SLCO5A1: variants seen among roughly 807,000 people sequenced by gnomAD.
The protein encoded by SLCO5A1 is solute carrier organic anion transporter family member 5A1, also known as organic anion transporter polypeptide-related protein 4.
Under a neutral mutation model 65.1 loss-of-function variants are expected in SLCO5A1, and 39 were observed. The observed-to-expected ratio is 0.60, with a 90% confidence interval of 0.46 to 0.78. The LOEUF (loss-of-function observed/expected upper bound fraction) is 0.78, where lower values mean the gene tolerates loss of function less well. SLCO5A1 is among the 30% of genes least tolerant of loss of function. The pLI is 0.00. For missense variants in SLCO5A1, 1,029 were observed against 1,069.4 expected (o/e 0.96, Z 0.53); for synonymous variants, 438 against 415.7 (o/e 1.05, Z -0.65).
chr8:69,765,816 T>C (rs1376362518), intron 2 of SLCO5A1, among the ~76,000 whole-genome samples: 1 of 152,106 alleles, frequency 6.6e-6, no homozygotes, highest in Non-Finnish European at 1.5e-5. Flanking sequence ...CACCATACTC[T>C]GCCTGGGCCT....
Position 69,728,985 on chromosome 8 carries a change from G to A in SLCO5A1, c.1423+9055C>T, listed in dbSNP as rs145571300. The stretch of plus-strand genomic sequence containing the variant: ...GTCAAAGAAACCAAGATTCCTTGCA[G>A]ATATACGACTGATCCGAGGTCCAGG... On this transcript the variant is annotated intron_variant, in intron 5 of 9. Transcript: ENST00000260126. Among the ~76,000 whole-genome samples, 5 of 152,240 alleles carry A rather than the reference G, an allele frequency of 3.3e-5. No individual in the cohort carries two copies. The East Asian group carries it at 9.7e-4, about 29-fold the overall frequency.
In SLCO5A1 at chr8:69,671,020, TGACA is replaced by T. The variant is rs1284289516; in HGVS notation, c.*1845_*1848del. 5.9e-5 allele frequency: 9 copies of T among 152,266 alleles called. No homozygotes were observed. Among genetic ancestry groups the T allele is most frequent in the Admixed American group, 3.9e-4 (6 of 15,286 alleles). The allele number at this position is 152,266 out of a possible 1,614,324, so 9.4% of individuals were successfully genotyped here. A position where few individuals can be genotyped will look rare whatever the true frequency, so the allele number is the denominator to read the frequency against. On this transcript the variant is annotated 3_prime_UTR_variant, in exon 10 of 10. Transcript: ENST00000260126. ...AATATATGCCACATTGGCCAGAGTC[TGACA>T]ATTACCAGTGCAATTACAGTCTTAA...
intron 9 of SLCO5A1, 86 bp downstream of exon 9, chr8:69,676,523 C>T: frequency 8.9e-7 from 1 of 1,125,858 alleles, no homozygotes; most frequent in Non-Finnish European, 1.3e-6. Context: ...TAATAAATGA[C>T]ATGACTTGCC....
intron 4 of SLCO5A1, among the ~76,000 whole-genome samples, chr8:69,750,371 T>C (rs1817239764): frequency 6.6e-6 from 1 of 151,974 alleles, no homozygotes; most frequent in African/African-American, 2.4e-5. Flanking sequence ...GACAATCTGC[T>C]CCTCCTCCTC....
Position 69,721,571 on chromosome 8 carries a change from C to T in SLCO5A1, c.1424-16342G>A, listed in dbSNP as rs149569126. Among the ~76,000 whole-genome samples, 180 of 152,294 alleles carry T rather than the reference C, an allele frequency of 1.2e-3. 1 individual carries two copies. The highest frequency in any genetic ancestry group is 4.1e-3 in the African/African-American group (172 of 41,564). On this transcript the variant is annotated intron_variant, in intron 5 of 9. Coordinates refer to ENST00000260126, the MANE Select transcript of SLCO5A1 (RefSeq NM_030958.3). ...TGAGGCTAGTGCTCCCATAAACATACACTTAAATTACAAATGTTTGTTATT... is the reference window on the plus strand; with the variant it reads ...TGAGGCTAGTGCTCCCATAAACATATACTTAAATTACAAATGTTTGTTATT...
intron 2 of SLCO5A1, among the ~76,000 whole-genome samples, chr8:69,814,671 C>A (rs1291933144): frequency 6.6e-6 from 1 of 152,096 alleles, no homozygotes; most frequent in African/African-American, 2.4e-5. Flanking sequence ...CCAAAATACC[C>A]AAAGTGAGTT....
At chr8:69,773,033 A>G (rs1303799520) in intron 2 of SLCO5A1, 15 of 897,542 alleles carry the variant, frequency 1.7e-5, no homozygotes, top group Non-Finnish European at 2.0e-5. Context: ...AGAAGGCTTC[A>G]TGGATGCTAG....
chr8:69,761,453 TC>T (rs1460183602), intron 3 of SLCO5A1: 6 of 310,330 alleles, frequency 1.9e-5, no homozygotes, highest in African/African-American at 1.3e-4. Context: ...CCCTCCTGCT[TC>T]CGTCTTTCCT....
At chr8:69,784,506 G>A (rs1818925967) in intron 2 of SLCO5A1, among the ~76,000 whole-genome samples, 1 of 152,148 alleles carries the variant, frequency 6.6e-6, no homozygotes, top group South Asian at 2.1e-4. Flanking sequence ...TAAACATACA[G>A]GCCAGGTGCG....
intron 2 of SLCO5A1, among the ~76,000 whole-genome samples, chr8:69,830,751 T>C (rs1377997789): frequency 6.6e-6 from 1 of 152,128 alleles, no homozygotes; most frequent in East Asian, 1.9e-4. Flanking sequence ...TGTACTTAAC[T>C]CAAGCACCCC....
intron 4 of SLCO5A1, among the ~76,000 whole-genome samples, chr8:69,748,268 C>T (rs1817128811): frequency 6.6e-6 from 1 of 152,194 alleles, no homozygotes; most frequent in African/African-American, 2.4e-5. Context: ...GGCCACAGTA[C>T]TACCTTGCTT....
At chr8:69,721,090 T>C (rs2130826511) in intron 5 of SLCO5A1, among the ~76,000 whole-genome samples, 1 of 152,362 alleles carries the variant, frequency 6.6e-6, no homozygotes, top group African/African-American at 2.4e-5. Flanking sequence ...TGGCAAGTCC[T>C]GGCCAATGTG....
In SLCO5A1 at chr8:69,672,731, T is replaced by A; in HGVS notation, c.*138A>T. 2 of 896,570 alleles carry A rather than the reference T, an allele frequency of 2.2e-6. No homozygotes were observed. 55.5% of individuals were successfully genotyped at this position (896,570 alleles called of 1,614,324 possible). On this transcript the variant is annotated 3_prime_UTR_variant, in exon 10 of 10. Transcript: ENST00000260126. ...TCCAGCCCTCAATGAATAGCGGCTG[T>A]GTATACTGAGTTTTGTTGGTTTGAG...
chr8:69,829,915 C>A (rs928714020), intron 2 of SLCO5A1, among the ~76,000 whole-genome samples: 7 of 152,206 alleles, frequency 4.6e-5, no homozygotes, highest in Non-Finnish European at 1.0e-4. Flanking sequence ...CACTCACACA[C>A]AGGTTGATAA....
rs775024156 is a variant in SLCO5A1, at chr8:69,832,806, G to A, written c.-133C>T. 1.5e-3 allele frequency: 1,565 copies of A among 1,012,810 alleles called. 8 individuals carry two copies. The highest frequency in any genetic ancestry group is 0.012 in the Middle Eastern group (37 of 3,066). The allele number at this position is 1,012,810 out of a possible 1,614,324, so 62.7% of individuals were successfully genotyped here. On this transcript the variant is annotated 5_prime_UTR_variant, in exon 2 of 10. Coordinates refer to ENST00000260126, the MANE Select transcript of SLCO5A1 (RefSeq NM_030958.3). The surrounding 1 kb of genome is among the most constrained non-coding windows in gnomAD (Gnocchi z 4.5). Reference sequence around the variant, plus strand: ...GGACTGGGGCTGGGGGCGCAGGGCCGCGCAGCAGGGCATCCTCACCAGCTG... The same window carrying A: ...GGACTGGGGCTGGGGGCGCAGGGCCACGCAGCAGGGCATCCTCACCAGCTG...
chr8:69,804,848 A>G (rs1175556520), intron 2 of SLCO5A1, among the ~76,000 whole-genome samples: 1 of 152,194 alleles, frequency 6.6e-6, no homozygotes, highest in African/African-American at 2.4e-5. Context: ...CACATGTCAG[A>G]GTCCTATTCG....
chr8:69,734,641 A>G (rs919629543), intron 5 of SLCO5A1, among the ~76,000 whole-genome samples: 2 of 152,248 alleles, frequency 1.3e-5, no homozygotes, highest in African/African-American at 4.8e-5. Flanking sequence ...AGCGAGCAAT[A>G]GAAGGTCAGT....
At position 69,826,918 on chromosome 8, in the gene SLCO5A1, C is replaced by T. The variant is rs200789240; in HGVS notation, c.907+4849G>A. On this transcript the variant is annotated intron_variant, in intron 2 of 9. Coordinates refer to ENST00000260126, the MANE Select transcript of SLCO5A1 (RefSeq NM_030958.3). ...AACCCAAATGTCCAACAATGATAGA[C>T]TGGATTAAGAAAACGTGGCACATAT... is the stretch of plus-strand genomic sequence containing the variant. 4.6e-5 allele frequency among the ~76,000 whole-genome samples: 7 copies of T among 152,072 alleles called. No homozygotes were observed. The East Asian group carries it at 1.2e-3, about 25-fold the overall frequency.
At chr8:69,811,351 C>G (rs1820199011) in intron 2 of SLCO5A1, among the ~76,000 whole-genome samples, 1 of 152,212 alleles carries the variant, frequency 6.6e-6, no homozygotes, top group African/African-American at 2.4e-5. Context: ...TGTGAGGAAG[C>G]TATTTATAAC....
Sources: allele counts gnomAD v4.1 joint callset (sites outside exome capture counted in the v4.1 genomes callset), GRCh38; gene constraint gnomAD v4.1.1; non-coding constraint Gnocchi (gnomAD v3.1); transcripts MANE v1.5; gene names NCBI Gene and HGNC (gene_info 2026-07-23, HGNC 2026-07-21).